CRTAC1: variants seen among roughly 807,000 people sequenced by gnomAD.
CRTAC1 encodes the protein cartilage acidic protein 1.
In CRTAC1, 37 loss-of-function variants were observed where a neutral mutation model predicts 67.8. That is an observed-to-expected ratio of 0.55 (90% CI 0.42 to 0.72). CRTAC1 has a LOEUF of 0.72. CRTAC1 is among the 30% of genes least tolerant of loss of function. The pLI is 0.00. For synonymous variants in CRTAC1, 348 were observed against 371.0 expected, an observed-to-expected ratio of 0.94 and a Z score of 0.71; for missense variants, 780 against 931.6, an observed-to-expected ratio of 0.84 and a Z score of 2.12.
At chr10:98,025,466 A>AG (rs1216148596) in intron 1 of CRTAC1, among the ~76,000 whole-genome samples, 1 of 152,212 alleles carries the variant, frequency 6.6e-6, no homozygotes, top group African/African-American at 2.4e-5. Context: ...TGAGTGGTTC[A>AG]GGGGAAAAAC....
At chr10:97,914,409 C>T (rs968877290) in intron 5 of CRTAC1, among the ~76,000 whole-genome samples, 1 of 152,208 alleles carries the variant, frequency 6.6e-6, no homozygotes, top group Non-Finnish European at 1.5e-5. Flanking sequence ...TGCCCGTGTG[C>T]CAGGCCATGT....
intron 5 of CRTAC1, among the ~76,000 whole-genome samples, chr10:97,913,185 C>T (rs1003446356): frequency 6.6e-6 from 1 of 152,046 alleles, no homozygotes; most frequent in Admixed American, 6.5e-5. Flanking sequence ...GGATCAAGTG[C>T]AGGATGGTAA....
intron 2 of CRTAC1, among the ~76,000 whole-genome samples, chr10:97,997,411 C>T (rs1342353928): frequency 6.9e-6 from 1 of 144,342 alleles, no homozygotes; most frequent in Non-Finnish European, 1.5e-5. Flanking sequence ...CGAGATACTG[C>T]CACTGCACTC....
chr10:97,909,210 C>A (rs897522574), intron 5 of CRTAC1, among the ~76,000 whole-genome samples: 2 of 152,142 alleles, frequency 1.3e-5, no homozygotes, highest in African/African-American at 4.8e-5. Flanking sequence ...ACCACCCCCA[C>A]CCAGTGGGTT....
intron 2 of CRTAC1, among the ~76,000 whole-genome samples, chr10:97,949,386 A>G (rs2051314918): frequency 6.6e-6 from 1 of 152,156 alleles, no homozygotes; most frequent in Non-Finnish European, 1.5e-5. Flanking sequence ...AGGGAGCCAA[A>G]TTGGACAAAA....
rs370308213 is a variant in CRTAC1 at position 97,917,485 on chromosome 10, T to C, written c.715+15A>G. On this transcript the variant is annotated intron_variant, in intron 5 of 14. Transcript: ENST00000370597. ...AGCCCCTCCAGCATACTACCTCCCA[T>C]GTCACTCTGCATACCTGTATATTTG... is the stretch of plus-strand genomic sequence containing the variant. 6.7e-7 allele frequency: 1 copy of C among 1,495,524 alleles called. No individual in the cohort carries two copies. The highest frequency in any genetic ancestry group is 9.0e-7 in the Non-Finnish European group (1 of 1,109,614). 92.6% of individuals were successfully genotyped at this position (1,495,524 alleles called of 1,614,324 possible). A position where few individuals can be genotyped will look rare whatever the true frequency, so the allele number is the denominator to read the frequency against.
intron 2 of CRTAC1, among the ~76,000 whole-genome samples, chr10:97,997,972 G>T (rs949612799): frequency 9.9e-5 from 15 of 152,076 alleles, no homozygotes; most frequent in African/African-American, 3.6e-4. Flanking sequence ...ATGGAGGAAA[G>T]ACTTGCTTTT....
intron 2 of CRTAC1, among the ~76,000 whole-genome samples, chr10:97,961,361 T>C (rs910994006): frequency 8.5e-5 from 13 of 152,184 alleles, no homozygotes; most frequent in African/African-American, 3.1e-4. Context: ...CAGGACATCA[T>C]TACTTAGGGG....
At position 98,010,676 on chromosome 10, in the gene CRTAC1, G is replaced by A. The variant is rs559577277; in HGVS notation, c.224+462C>T. Among the ~76,000 whole-genome samples the A allele has an allele frequency of 5.9e-5, 9 of 152,230 alleles. No individual in the cohort carries two copies. The South Asian group carries it at 1.0e-3, about 18-fold the overall frequency. On this transcript the variant is annotated intron_variant, in intron 2 of 14. Transcript: ENST00000370597. ...TTCCATCTTCCCCCCTCTTTGAAAC[G>A]GTTAATTAATGTTTTCTTAGTCTTA... is the stretch of plus-strand genomic sequence containing the variant.
intron 2 of CRTAC1, among the ~76,000 whole-genome samples, chr10:97,974,580 G>A (rs1183442527): frequency 6.6e-6 from 1 of 152,190 alleles, no homozygotes; most frequent in Non-Finnish European, 1.5e-5. Flanking sequence ...AGTCGCTTTG[G>A]TGGAAATTGT....
intron 14 of CRTAC1, among the ~76,000 whole-genome samples, chr10:97,871,847 C>T (rs930085320): frequency 1.4e-4 from 22 of 152,070 alleles, no homozygotes; most frequent in African/African-American, 5.3e-4. Flanking sequence ...CAAATGCATC[C>T]CCAGAAAAAT....
At chr10:97,937,336 G>A (rs750485002) in intron 2 of CRTAC1, among the ~76,000 whole-genome samples, 12 of 152,010 alleles carry the variant, frequency 7.9e-5, no homozygotes, top group Admixed American at 2.0e-4. Context: ...CTCAGTGAGG[G>A]CTTGCCTGCC....
chr10:97,989,453 A>T (rs1842393450), intron 2 of CRTAC1, among the ~76,000 whole-genome samples: 1 of 152,242 alleles, frequency 6.6e-6, no homozygotes, highest in African/African-American at 2.4e-5. Flanking sequence ...TAGATGGTAT[A>T]GCCTATTGAT....
At chr10:97,961,498 A>T (rs2051525550) in intron 2 of CRTAC1, among the ~76,000 whole-genome samples, 1 of 152,232 alleles carries the variant, frequency 6.6e-6, no homozygotes, top group South Asian at 2.1e-4. Context: ...TATGAGCTAT[A>T]TTAGAAAACA....
rs530162589 is a variant in CRTAC1 at position 97,984,828 on chromosome 10, G to C, written c.224+26310C>G. Among the ~76,000 whole-genome samples the C allele has an allele frequency of 3.3e-5, 5 of 152,208 alleles. No homozygotes were observed. The East Asian group carries it at 9.6e-4, about 29-fold the overall frequency. On this transcript the variant is annotated intron_variant, in intron 2 of 14. Transcript: ENST00000370597. ...AAAGGAAATTGACTGGCAGGGCTAT[G>C]GGGGAGCTCACTAGTTCAAAGGGAA... is the stretch of plus-strand genomic sequence containing the variant.
At chr10:97,882,925 C>T in intron 12 of CRTAC1, 97 bp from the exon 13 acceptor site, 1 of 1,257,348 alleles carries the variant, frequency 8.0e-7, no homozygotes, top group South Asian at 1.3e-5. Context: ...TCACCCTAAC[C>T]ACAGTGTGAG....
intron 2 of CRTAC1, among the ~76,000 whole-genome samples, chr10:98,006,894 A>G (rs1392071065): frequency 6.6e-6 from 1 of 152,194 alleles, no homozygotes; most frequent in African/African-American, 2.4e-5. Flanking sequence ...CAAAATTTCA[A>G]CTCCTGCTAC....
At chr10:97,961,091 A>G (rs752708225) in intron 2 of CRTAC1, among the ~76,000 whole-genome samples, 20 of 151,630 alleles carry the variant, frequency 1.3e-4, no homozygotes, top group Non-Finnish European at 2.5e-4. Context: ...TTTTAATTTT[A>G]TTTTAGCAAC....
chr10:97,900,387 G>T (rs959289428), intron 8 of CRTAC1, among the ~76,000 whole-genome samples: 1 of 152,208 alleles, frequency 6.6e-6, no homozygotes, highest in African/African-American at 2.4e-5. Context: ...AATATTTATG[G>T]TCAAGTTAAA....
Sources: gnomAD v4.1 joint callset for allele counts (sites outside exome capture counted in the v4.1 genomes callset) on GRCh38, gnomAD v4.1.1 for gene constraint, MANE v1.5 for transcripts, NCBI Gene and HGNC (gene_info 2026-07-23, HGNC 2026-07-21) for gene names.